The following RLF variants were observed in gnomAD, a reference collection of about 807,000 sequenced individuals.
The protein encoded by RLF is RLF zinc finger.
A neutral mutation model predicts 162.9 loss-of-function variants in RLF; 7 were observed. That is an observed-to-expected ratio of 0.04 (90% CI 0.02 to 0.08). RLF has a LOEUF of 0.08. Among genes scored for constraint, RLF ranks in the 10% least tolerant of loss-of-function variants. The pLI is 1.00. For synonymous variants in RLF, 782 were observed against 791.5 expected, an observed-to-expected ratio of 0.99 and a Z score of 0.20; for missense variants, 1,664 against 2,244.7, an observed-to-expected ratio of 0.74 and a Z score of 5.23.
At position 40,184,178 on chromosome 1, in the gene RLF, C is replaced by T. The variant is rs545894444; in HGVS notation, c.238-4877C>T. ...AAGTATAAAGATGACAAAAATTGCT[C>T]ATATTCCTGCTACCTCAGTGCTAAC... On this transcript the variant is annotated intron_variant, in intron 1 of 7. Transcript: ENST00000372771. Among the ~76,000 whole-genome samples, 3 of 152,266 alleles carry T rather than the reference C, an allele frequency of 2.0e-5. No homozygotes were observed. The South Asian group carries it at 6.2e-4, about 32-fold the overall frequency.
chr1:40,170,505 C>T (rs1185322017), intron 1 of RLF, among the ~76,000 whole-genome samples: 1 of 152,166 alleles, frequency 6.6e-6, no homozygotes, highest in Non-Finnish European at 1.5e-5. Flanking sequence ...AAGTGAGCCT[C>T]CCAAAGTGCT....
intron 7 of RLF, 77 bp from the exon 8 acceptor site, chr1:40,235,714 TA>T: frequency 1.8e-6 from 2 of 1,084,638 alleles, no homozygotes; most frequent in South Asian, 2.0e-5. Context: ...TTTTACAAGC[TA>T]AAATTCCTTA....
chr1:40,240,188 A>G lies in RLF; in HGVS notation c.5486A>G (p.His1829Arg). The G allele has an allele frequency of 6.2e-7, 1 of 1,614,194 alleles. No individual in the cohort carries two copies. The highest frequency in any genetic ancestry group is 8.5e-7 in the Non-Finnish European group (1 of 1,180,030). The change falls in exon 8 of 8, where the codon CAT (histidine) becomes CGT (arginine). Residue 1829 changes from histidine to arginine, a missense_variant. His to Arg is a conservative substitution (Grantham distance 29, BLOSUM62 0). This residue lies in a region of RLF where 327 missense variants were observed against 342.7 expected (regional missense o/e 0.95). Transcript: ENST00000372771. ...AGTGAACCTGAAGTTGACATACCTC[A>G]TTCTTCCAGTGACTCTACAATTCAT... ...NDSEPEVDIPHSSSDSTIHEN... is the reference protein window; with the variant it reads ...NDSEPEVDIPRSSSDSTIHEN...
rs1643281006 is a variant in RLF at position 40,240,641 on chromosome 1, GTTTA to G, written c.*198_*201del. The G allele has an allele frequency of 3.8e-6, 2 of 528,330 alleles. No individual in the cohort carries two copies. The highest frequency in any genetic ancestry group is 6.2e-5 in the East Asian group (2 of 32,240). 32.7% of individuals were successfully genotyped at this position (528,330 alleles called of 1,614,324 possible). On this transcript the variant is annotated 3_prime_UTR_variant, in exon 8 of 8. Transcript: ENST00000372771. ...GCTCTCCAGTTGGTTTAATGATTGG[GTTTA>G]TTTTTGTTTGTTTGTTTATTAAAAA...
At chr1:40,207,639 G>A (rs1642813638) in intron 5 of RLF, among the ~76,000 whole-genome samples, 1 of 152,016 alleles carries the variant, frequency 6.6e-6, no homozygotes, top group Admixed American at 6.6e-5. Flanking sequence ...TTTGGAGACA[G>A]AGTCTCTGTC....
chr1:40,161,391 C>T lies in RLF; in HGVS notation c.-9C>T, dbSNP rs774290147. Reference sequence around the variant, plus strand: ...CTTGGTTGCCTACGCGCTGGTGGGCCGTGGGAAGATGGCGGACGGAAAGGG... The same window carrying T: ...CTTGGTTGCCTACGCGCTGGTGGGCTGTGGGAAGATGGCGGACGGAAAGGG... On this transcript the variant is annotated 5_prime_UTR_variant, in exon 1 of 8. Transcript: ENST00000372771. This position sits in a 1 kb window ranked among gnomAD's most constrained non-coding sequence, Gnocchi z 4.4. 7.2e-6 allele frequency: 11 copies of T among 1,527,166 alleles called. No homozygotes were observed. Among genetic ancestry groups the T allele is most frequent in the Middle Eastern group, 3.7e-4 (2 of 5,438 alleles). The allele number at this position is 1,527,166 out of a possible 1,614,324, so 94.6% of individuals were successfully genotyped here.
rs528427686 is a variant in RLF, at chr1:40,201,542, C to T, written c.608-870C>T. ...TCGGGAGGCTGAGGCAGGAGAATGG[C>T]GTGAACCCGGGAGGCGGAGCTTGCA... is the stretch of plus-strand genomic sequence containing the variant. On this transcript the variant is annotated intron_variant, in intron 4 of 7. Transcript: ENST00000372771. Among the ~76,000 whole-genome samples the T allele has an allele frequency of 5.8e-4, 86 of 148,040 alleles. 2 individuals carry two copies. The highest frequency in any genetic ancestry group is 7.0e-3 in the Middle Eastern group (2 of 284).
Position 40,238,973 on chromosome 1 carries a change from T to C in RLF, c.4271T>C (p.Leu1424Ser). Residue 1424 changes from leucine to serine, a missense_variant, in exon 8 of 8, where the codon TTG becomes TCG. Leu to Ser is a moderately radical substitution (Grantham distance 145, BLOSUM62 -2). Around this residue, in one of 15 missense-constraint regions of RLF, gnomAD observed 200 missense variants for 207.3 expected, o/e 0.96. Transcript: ENST00000372771. The surrounding 1 kb of genome is among the most constrained non-coding windows in gnomAD (Gnocchi z 5.2). Reference sequence around the variant, plus strand: ...GCTGTTTTTTATACATTCAACAAGTTGAAGCACCACTTGATGGAACAGCAT... The same window carrying C: ...GCTGTTTTTTATACATTCAACAAGTCGAAGCACCACTTGATGGAACAGCAT... ...CPAVFYTFNK[L>S]KHHLMEQHNI... 1 of 1,614,194 alleles carries C rather than the reference T, an allele frequency of 6.2e-7. No individual in the cohort carries two copies. Among genetic ancestry groups the C allele is most frequent in the Non-Finnish European group, 8.5e-7 (1 of 1,180,010 alleles).
chr1:40,162,681 A>G (rs957559601), intron 1 of RLF, among the ~76,000 whole-genome samples: 4 of 152,142 alleles, frequency 2.6e-5, no homozygotes, highest in Admixed American at 2.0e-4. Flanking sequence ...AGCTTGCTTG[A>G]TTGCTTTTCT....
intron 6 of RLF, among the ~76,000 whole-genome samples, chr1:40,226,848 A>G (rs926248964): frequency 3.9e-5 from 6 of 151,964 alleles, no homozygotes; most frequent in African/African-American, 1.5e-4. Flanking sequence ...GTTTGTATGT[A>G]TATATGTGTG....
At chr1:40,234,312 C>A (rs925072371) in intron 7 of RLF, among the ~76,000 whole-genome samples, 3 of 152,100 alleles carry the variant, frequency 2.0e-5, no homozygotes, top group African/African-American at 7.2e-5. Context: ...ACTTAACGTT[C>A]TGAGTGTTGG....
intron 3 of RLF, among the ~76,000 whole-genome samples, chr1:40,194,795 GA>G: frequency 6.8e-6 from 1 of 147,790 alleles, no homozygotes; most frequent in Non-Finnish European, 1.5e-5. Flanking sequence ...TTTACTTAGT[GA>G]AAACATCCTA....
intron 5 of RLF, among the ~76,000 whole-genome samples, chr1:40,220,625 A>G (rs1007410277): frequency 4.6e-5 from 7 of 152,230 alleles, no homozygotes; most frequent in Middle Eastern, 3.2e-3. Flanking sequence ...CATTAGGGCA[A>G]AAATTAGATT....
At chr1:40,220,670 A>G (rs746643890) in intron 5 of RLF, among the ~76,000 whole-genome samples, 1 of 152,222 alleles carries the variant, frequency 6.6e-6, no homozygotes, top group Non-Finnish European at 1.5e-5. Context: ...CGGTGCAGGT[A>G]TTTAGCAAAT....
Position 40,240,585 on chromosome 1 carries a change from T to C in RLF, c.*138T>C. ...TGTGTATTTACATGAATGTATAATA[T>C]CTATGTCAGCAGTATTGGCTGAGTC... On this transcript the variant is annotated 3_prime_UTR_variant, in exon 8 of 8. Coordinates refer to ENST00000372771, the MANE Select transcript of RLF (RefSeq NM_012421.4). 4.7e-6 allele frequency: 3 copies of C among 640,302 alleles called. No homozygotes were observed. Among genetic ancestry groups the C allele is most frequent in the Non-Finnish European group, 8.3e-6 (3 of 363,506 alleles). 39.7% of individuals were successfully genotyped at this position (640,302 alleles called of 1,614,324 possible). A position where few individuals can be genotyped will look rare whatever the true frequency, so the allele number is the denominator to read the frequency against.
intron 5 of RLF, among the ~76,000 whole-genome samples, chr1:40,217,822 A>G (rs1170065000): frequency 6.6e-6 from 1 of 152,156 alleles, no homozygotes; most frequent in Non-Finnish European, 1.5e-5. Flanking sequence ...AAGTCACAAC[A>G]TAGCATAAGG....
chr1:40,204,514 T>G (rs920471102), intron 5 of RLF, among the ~76,000 whole-genome samples: 2 of 152,132 alleles, frequency 1.3e-5, no homozygotes, highest in Non-Finnish European at 2.9e-5. Context: ...TCAGGTGATC[T>G]TCCCACCTCA....
At chr1:40,177,611 C>T (rs908607252) in intron 1 of RLF, among the ~76,000 whole-genome samples, 4 of 151,954 alleles carry the variant, frequency 2.6e-5, no homozygotes, top group South Asian at 2.1e-4. Context: ...TTTCTAAGAA[C>T]GTAAATTCTT....
intron 5 of RLF, among the ~76,000 whole-genome samples, chr1:40,209,856 C>T (rs1054202059): frequency 4.8e-5 from 7 of 145,258 alleles, no homozygotes; most frequent in Non-Finnish European, 1.0e-4. Flanking sequence ...CGAGCTGGGG[C>T]GACAGGGCGA....
Sources: gnomAD v4.1 joint callset for allele counts (sites outside exome capture counted in the v4.1 genomes callset) on GRCh38, gnomAD v4.1.1 for gene constraint, gnomAD v4.1.1 regional missense constraint, Gnocchi (gnomAD v3.1) non-coding constraint, MANE v1.5 for transcripts, NCBI Gene and HGNC (gene_info 2026-07-23, HGNC 2026-07-21) for gene names.